The following RNFT2 variants were observed in gnomAD, a reference collection of about 807,000 sequenced individuals.
RNFT2 encodes the protein E3 ubiquitin-protein ligase RNFT2.
In RNFT2, 36 loss-of-function variants were observed where a neutral mutation model predicts 53.0. The observed-to-expected ratio is 0.68, with a 90% confidence interval of 0.52 to 0.90. The LOEUF (loss-of-function observed/expected upper bound fraction) is 0.90. Among genes scored for constraint, RNFT2 ranks in the 40% least tolerant of loss-of-function variants. The probability of loss-of-function intolerance (pLI) is 0.00; values close to 1 mark genes in which losing one functional copy is unlikely to be tolerated. For synonymous variants in RNFT2, 260 were observed against 253.2 expected (o/e 1.03, Z -0.26); for missense variants, 514 against 585.6 (o/e 0.88, Z 1.26).
chr12:116,822,409 A>G (rs1039741994), intron 7 of RNFT2, among the ~76,000 whole-genome samples: 2 of 152,022 alleles, frequency 1.3e-5, no homozygotes, highest in Admixed American at 6.6e-5. Context: ...GCCAGTGGCC[A>G]TCTTTCCTAC....
chr12:116,796,448 A>C (rs1258363820), intron 7 of RNFT2, among the ~76,000 whole-genome samples: 3 of 152,184 alleles, frequency 2.0e-5, no homozygotes, highest in Non-Finnish European at 4.4e-5. Flanking sequence ...GGCTCAGCCA[A>C]ATCCCTGGAC....
Position 116,851,493 on chromosome 12 carries a change from T to G in RNFT2, c.*2045T>G. The G allele has an allele frequency of 1.3e-5, 6 of 468,602 alleles. No individual in the cohort carries two copies. Among genetic ancestry groups the G allele is most frequent in the Non-Finnish European group, 1.9e-5 (5 of 257,924 alleles). The allele number at this position is 468,602 out of a possible 1,614,324, so 29.0% of individuals were successfully genotyped here. ...GTGGCCCATGCCTGTAGTGCCAGCA[T>G]TTTGGGAGGCTGAAGCAGGCGGGTC... On this transcript the variant is annotated 3_prime_UTR_variant, in exon 11 of 11. Coordinates refer to ENST00000257575, the MANE Select transcript of RNFT2 (RefSeq NM_001382266.1).
chr12:116,777,318 A>G (rs1448843812), intron 6 of RNFT2, among the ~76,000 whole-genome samples: 3 of 152,150 alleles, frequency 2.0e-5, no homozygotes, highest in African/African-American at 7.2e-5. Context: ...CGTGACATCT[A>G]AAGCCAGGAT....
chr12:116,820,896 A>G (rs527773869), intron 7 of RNFT2, among the ~76,000 whole-genome samples: 6 of 152,144 alleles, frequency 3.9e-5, no homozygotes, highest in African/African-American at 1.2e-4. Context: ...ACTCATCACT[A>G]AACTAGAAGC....
At chr12:116,749,644 A>G (rs1219765964) in intron 3 of RNFT2, among the ~76,000 whole-genome samples, 197 bp from the exon 4 acceptor site, 1 of 151,920 alleles carries the variant, frequency 6.6e-6, no homozygotes, top group African/African-American at 2.4e-5. Context: ...CTTCATTTTA[A>G]CTTCATTGCC....
intron 6 of RNFT2, among the ~76,000 whole-genome samples, chr12:116,768,860 A>C (rs1873041503): frequency 6.6e-6 from 1 of 151,264 alleles, no homozygotes; most frequent in Non-Finnish European, 1.5e-5. Context: ...CCTCCCAAAT[A>C]GCTGGGATTA....
intron 10 of RNFT2, among the ~76,000 whole-genome samples, chr12:116,838,283 T>C (rs779147206): frequency 2.0e-5 from 3 of 152,202 alleles, no homozygotes; most frequent in Non-Finnish European, 2.9e-5. Context: ...GCCCATCGTG[T>C]TGATTAAAGG....
chr12:116,743,222 A>G, intron 3 of RNFT2, among the ~76,000 whole-genome samples: 1 of 104,588 alleles, frequency 9.6e-6, no homozygotes, highest in African/African-American at 3.5e-5. Context: ...CTAAAAAAAA[A>G]AAAAAAAAAA....
At chr12:116,833,715 C>T (rs1016772248) in intron 7 of RNFT2, 77 bp from the exon 8 acceptor site, 31 of 1,513,662 alleles carry the variant, frequency 2.0e-5, no homozygotes, top group East Asian at 2.4e-5. Flanking sequence ...CATCACTGCC[C>T]GGGGCGGGGG....
chr12:116,845,254 A>AT (rs1178436364), intron 10 of RNFT2, among the ~76,000 whole-genome samples: 60 of 115,600 alleles, frequency 5.2e-4, no homozygotes, highest in African/African-American at 2.2e-3. Context: ...AAAAAAAAAA[A>AT]AAAAATATAT....
chr12:116,794,383 A>G (rs1346093823), intron 7 of RNFT2, among the ~76,000 whole-genome samples: 238 of 151,560 alleles, frequency 1.6e-3, no homozygotes, highest in African/African-American at 5.6e-3. Context: ...GGATCCCTTG[A>G]GGTCAGGAGT....
chr12:116,826,112 G>A (rs907734738), intron 7 of RNFT2, among the ~76,000 whole-genome samples: 3 of 151,706 alleles, frequency 2.0e-5, no homozygotes, highest in African/African-American at 7.3e-5. Flanking sequence ...CCATGTAGGT[G>A]CGTTCTTCCA....
At chr12:116,770,971 A>C (rs1873149694) in intron 6 of RNFT2, among the ~76,000 whole-genome samples, 1 of 152,190 alleles carries the variant, frequency 6.6e-6, no homozygotes, top group South Asian at 2.1e-4. Flanking sequence ...CATTTTTATT[A>C]GTAACATTTT....
intron 10 of RNFT2, among the ~76,000 whole-genome samples, chr12:116,837,444 G>A (rs1231691217): frequency 6.6e-6 from 1 of 152,144 alleles, no homozygotes; most frequent in African/African-American, 2.4e-5. Context: ...AGGAGGCATA[G>A]CCTGGAGACT....
chr12:116,841,817 A>AT lies in RNFT2; in HGVS notation c.1200+5535_1200+5536insT, dbSNP rs1565875974. On this transcript the variant is annotated intron_variant, in intron 10 of 10. Coordinates refer to ENST00000257575, the MANE Select transcript of RNFT2 (RefSeq NM_001382266.1). ...TAAATATATATATAAATATATATATAAAAATATATATATATAAATATATAT... is the reference window on the plus strand; with the variant it reads ...TAAATATATATATAAATATATATATATAAAATATATATATATAAATATATAT... Among the ~76,000 whole-genome samples the AT allele has an allele frequency of 1.0e-3, 80 of 79,492 alleles. 1 individual carries two copies. Among genetic ancestry groups the AT allele is most frequent in the African/African-American group, 2.2e-3 (29 of 13,050 alleles). The allele number at this position is 79,492 out of a possible 152,430, so 52.1% of individuals were successfully genotyped here. A position where few individuals can be genotyped will look rare whatever the true frequency, so the allele number is the denominator to read the frequency against.
chr12:116,839,965 G>A (rs1386414058), intron 10 of RNFT2, among the ~76,000 whole-genome samples: 1 of 152,194 alleles, frequency 6.6e-6, no homozygotes, highest in Non-Finnish European at 1.5e-5. Context: ...CTGCTCAGGA[G>A]CACACTTGCC....
chr12:116,832,898 CTTT>C (rs71095601), intron 7 of RNFT2, among the ~76,000 whole-genome samples: 2 of 84,776 alleles, frequency 2.4e-5, no homozygotes, highest in Non-Finnish European at 4.1e-5. Flanking sequence ...AAGTCGTGTT[CTTT>C]TTTTTTTTTT....
intron 3 of RNFT2, among the ~76,000 whole-genome samples, chr12:116,747,373 C>A (rs1269750361): frequency 6.6e-6 from 1 of 152,026 alleles, no homozygotes; most frequent in East Asian, 1.9e-4. Flanking sequence ...TATTTTAAAA[C>A]ATATTTCCTG....
rs900902792 is a variant in RNFT2, at chr12:116,814,756, G to A, written c.883-19036G>A. ...TGCAGTGGTGCAATCTCGGCTGGCT[G>A]CAACCTCTGCCTCCTGGGTTCAAGT... On this transcript the variant is annotated intron_variant, in intron 7 of 10. Transcript: ENST00000257575. 3.3e-5 allele frequency among the ~76,000 whole-genome samples: 5 copies of A among 151,982 alleles called. No homozygotes were observed. The East Asian group carries it at 9.7e-4, about 29-fold the overall frequency.
Sources: gnomAD v4.1 joint callset for allele counts (sites outside exome capture counted in the v4.1 genomes callset) on GRCh38, gnomAD v4.1.1 for gene constraint, MANE v1.5 for transcripts, NCBI Gene and HGNC (gene_info 2026-07-23, HGNC 2026-07-21) for gene names.